ETV6: variants seen among roughly 807,000 people sequenced by gnomAD.
ETV6 encodes ETS variant transcription factor 6.
ETV6 carries 16 observed loss-of-function variants against 51.1 expected under a neutral mutation model. The observed-to-expected ratio is 0.31, with a 90% CI of 0.21 to 0.48. The LOEUF (loss-of-function observed/expected upper bound fraction) is 0.48, where lower values mean the gene tolerates loss of function less well. ETV6 is among the 20% of genes least tolerant of loss of function. The pLI is 0.99. For synonymous variants in ETV6, 240 were observed against 224.1 expected, an observed-to-expected ratio of 1.07 and a Z score of -0.64; for missense variants, 458 against 594.8, an observed-to-expected ratio of 0.77 and a Z score of 2.39.
chr12:11,694,699 T>C (rs1864840545), intron 1 of ETV6, among the ~76,000 whole-genome samples: 1 of 152,264 alleles, frequency 6.6e-6, no homozygotes, highest in African/African-American at 2.4e-5. Flanking sequence ...TGCTTTCAGA[T>C]ATTCAACTCT....
At chr12:11,838,425 C>G (rs958970961) in intron 2 of ETV6, among the ~76,000 whole-genome samples, 8 of 152,190 alleles carry the variant, frequency 5.3e-5, no homozygotes, top group African/African-American at 1.2e-4. Flanking sequence ...TCTGTACCCC[C>G]CTCCTGCCCA....
intron 2 of ETV6, among the ~76,000 whole-genome samples, chr12:11,773,167 T>A (rs7967177): frequency 8.8e-5 from 13 of 147,942 alleles, no homozygotes; most frequent in African/African-American, 3.0e-4. Flanking sequence ...ACATTCCAGC[T>A]TAGTGACAGA....
chr12:11,673,792 C>T (rs796357107), intron 1 of ETV6, among the ~76,000 whole-genome samples: 4 of 152,088 alleles, frequency 2.6e-5, no homozygotes, highest in South Asian at 4.1e-4. Context: ...TTATCTGTGA[C>T]TGTTGTTAGA....
chr12:11,841,524 G>C (rs1946390443), intron 3 of ETV6, among the ~76,000 whole-genome samples: 1 of 152,220 alleles, frequency 6.6e-6, no homozygotes, highest in Non-Finnish European at 1.5e-5. Context: ...AGGCAGAAAA[G>C]GCAGGAAGCC....
intron 1 of ETV6, among the ~76,000 whole-genome samples, chr12:11,668,896 C>T (rs976227264): frequency 6.6e-6 from 1 of 152,144 alleles, no homozygotes; most frequent in Non-Finnish European, 1.5e-5. Flanking sequence ...CATCCCTGTG[C>T]TCAAAGATGG....
intron 2 of ETV6, among the ~76,000 whole-genome samples, chr12:11,804,847 C>T (rs1465261892): frequency 1.3e-5 from 2 of 152,170 alleles, no homozygotes; most frequent in African/African-American, 4.8e-5. Context: ...CTGGCTGTCT[C>T]ATGGGAGACT....
chr12:11,805,656 G>A (rs182369113), intron 2 of ETV6, among the ~76,000 whole-genome samples: 1 of 152,316 alleles, frequency 6.6e-6, no homozygotes, highest in African/African-American at 2.4e-5. Flanking sequence ...GACTGGAAGA[G>A]GATTTGTTCT....
chr12:11,888,593 G>C (rs947295513), intron 7 of ETV6, among the ~76,000 whole-genome samples: 1 of 152,112 alleles, frequency 6.6e-6, no homozygotes, highest in Non-Finnish European at 1.5e-5. Flanking sequence ...AGTGGAGACA[G>C]GGTTTCGCCA....
chr12:11,652,253 G>A (rs1180013195), intron 1 of ETV6, among the ~76,000 whole-genome samples: 1 of 152,132 alleles, frequency 6.6e-6, no homozygotes, highest in Non-Finnish European at 1.5e-5. Context: ...CATGTGTCTA[G>A]GTGAACGTAT....
intron 1 of ETV6, among the ~76,000 whole-genome samples, chr12:11,702,455 G>A (rs1453377533): frequency 2.0e-5 from 3 of 152,190 alleles, no homozygotes; most frequent in Non-Finnish European, 4.4e-5. Flanking sequence ...GCACTTGGAA[G>A]GATAGTTTTT....
chr12:11,704,017 G>A (rs138143386), intron 1 of ETV6, among the ~76,000 whole-genome samples: 117 of 152,302 alleles, frequency 7.7e-4, no homozygotes, highest in African/African-American at 2.7e-3. Context: ...TGAATTTTCA[G>A]GTCATCCTTC....
chr12:11,721,856 A>G (rs1322842857), intron 1 of ETV6, among the ~76,000 whole-genome samples: 2 of 152,218 alleles, frequency 1.3e-5, no homozygotes, highest in East Asian at 3.8e-4. Flanking sequence ...TAAGATGTAC[A>G]TATTCTGTTA....
Position 11,789,462 on chromosome 12 carries a change from G to T in ETV6, c.163+36883G>T, listed in dbSNP as rs571230989. ...TGAAGCAAGAGCTTCTACCTGCTTC[G>T]GTCTGGGCTTCAGCTTGGTGCCCAG... is the stretch of plus-strand genomic sequence containing the variant. On this transcript the variant is annotated intron_variant, in intron 2 of 7. Coordinates refer to ENST00000396373, the MANE Select transcript of ETV6 (RefSeq NM_001987.5). Among the ~76,000 whole-genome samples the T allele has an allele frequency of 1.3e-5, 2 of 152,042 alleles. 1 individual carries two copies.
At position 11,845,294 on chromosome 12, in the gene ETV6, C is replaced by T. The variant is rs376714306; in HGVS notation, c.328+5990C>T. On this transcript the variant is annotated intron_variant, in intron 3 of 7. Transcript: ENST00000396373. ...AGTTGGAGAGACCTAGGTAGCCTTG[C>T]AGATGACGCTAAACATTGGTTATAC... 6.6e-5 allele frequency among the ~76,000 whole-genome samples: 10 copies of T among 152,312 alleles called. No individual in the cohort carries two copies. The East Asian group carries it at 1.2e-3, about 18-fold the overall frequency.
intron 1 of ETV6, among the ~76,000 whole-genome samples, chr12:11,656,476 C>G (rs1864001348): frequency 6.6e-6 from 1 of 152,190 alleles, no homozygotes; most frequent in African/African-American, 2.4e-5. Context: ...GCTTCCTGGT[C>G]TCTTCTGAAG....
chr12:11,866,821 G>T (rs115719086), intron 4 of ETV6, among the ~76,000 whole-genome samples: 2,676 of 152,270 alleles, frequency 0.018, 82 homozygotes, highest in African/African-American at 0.061. Context: ...TGGGCTATTC[G>T]GTAATCAGAC....
chr12:11,794,862 G>T (rs538815365), intron 2 of ETV6, among the ~76,000 whole-genome samples: 1 of 152,206 alleles, frequency 6.6e-6, no homozygotes, highest in African/African-American at 2.4e-5. Context: ...TTCTCATTTG[G>T]TGGTAAATAC....
intron 2 of ETV6, among the ~76,000 whole-genome samples, chr12:11,764,655 A>G (rs1311408219): frequency 2.6e-5 from 4 of 152,218 alleles, no homozygotes; most frequent in African/African-American, 7.2e-5. Flanking sequence ...GAGTTGAAGT[A>G]AGTGGTCAGG....
chr12:11,695,171 C>T (rs754084804), intron 1 of ETV6, among the ~76,000 whole-genome samples: 16 of 152,178 alleles, frequency 1.1e-4, no homozygotes, highest in Middle Eastern at 6.8e-3. Flanking sequence ...TTCATATGAC[C>T]CCTTAGAAAA....
Sources: allele counts gnomAD v4.1 joint callset (sites outside exome capture counted in the v4.1 genomes callset), GRCh38; gene constraint gnomAD v4.1.1; transcripts MANE v1.5; gene names NCBI Gene and HGNC (gene_info 2026-07-23, HGNC 2026-07-21).